Variants in SVEP1 observed in about 807,000 individuals in gnomAD.
SVEP1 encodes sushi, von Willebrand factor type A, EGF and pentraxin domain-containing protein 1.
In SVEP1, 164 loss-of-function variants were observed where a neutral mutation model predicts 367.3. The ratio of observed to expected loss-of-function variants is 0.45; its 90% CI spans 0.39 to 0.51. The LOEUF is 0.51. Ranked by LOEUF, SVEP1 falls within the 20% of genes least tolerant of loss-of-function variation. The probability of loss-of-function intolerance (pLI) is 0.00; values close to 1 mark genes in which losing one functional copy is unlikely to be tolerated. For synonymous variants in SVEP1, 1,666 were observed against 1,611.6 expected (o/e 1.03, Z -0.81); for missense variants, 4,117 against 4,425.3 (o/e 0.93, Z 1.98).
Position 110,431,968 on chromosome 9 carries a change from G to C in SVEP1, c.5300C>G (p.Ser1767Cys). ...CGGTGGGACACATGAACATATGTAG[G>C]ATCCATCTACGTTCAGGCAAGAAGC... ...EHASCLNVDG[S>C]YICSCVPPYT... Residue 1767 changes from serine to cysteine, a missense_variant, in exon 32 of 48, where the codon TCC becomes TGC. This residue lies in a region of SVEP1 where 2,174 missense variants were observed against 2,494.3 expected (regional missense o/e 0.87). Transcript: ENST00000374469. The C allele has an allele frequency of 1.2e-6, 2 of 1,613,564 alleles. No homozygotes were observed. Among genetic ancestry groups the C allele is most frequent in the South Asian group, 1.1e-5 (1 of 91,048 alleles).
chr9:110,384,151 G>T (rs1430081296), intron 43 of SVEP1, among the ~76,000 whole-genome samples: 1 of 152,162 alleles, frequency 6.6e-6, no homozygotes, highest in South Asian at 2.1e-4. Flanking sequence ...GGGACCTAAG[G>T]CCCTGGTGGC....
intron 28 of SVEP1, among the ~76,000 whole-genome samples, chr9:110,435,648 G>A (rs1828420798): frequency 6.6e-6 from 1 of 152,088 alleles, no homozygotes; most frequent in Non-Finnish European, 1.5e-5. Context: ...GTTTGTTAAG[G>A]GGTTGTAGAG....
At chr9:110,491,033 A>G (rs1829358571) in intron 8 of SVEP1, among the ~76,000 whole-genome samples, 1 of 151,994 alleles carries the variant, frequency 6.6e-6, no homozygotes, top group African/African-American at 2.4e-5. Context: ...TTTAAACTAT[A>G]ATTTGGAAAT....
At chr9:110,403,297 T>TTG (rs1564132061) in intron 39 of SVEP1, among the ~76,000 whole-genome samples, 3 of 30,202 alleles carry the variant, frequency 9.9e-5, no homozygotes, top group Non-Finnish European at 2.8e-4. Context: ...GCCACCGCCG[T>TTG]TTTTTTTTTT....
intron 36 of SVEP1, among the ~76,000 whole-genome samples, chr9:110,423,136 TAAA>T (rs367835046): frequency 1.4e-5 from 1 of 73,076 alleles, no homozygotes; most frequent in East Asian, 4.3e-4. Flanking sequence ...ATAATAATAA[TAAA>T]AAAAAAATAA....
At chr9:110,451,522 T>C (rs1828693093) in intron 22 of SVEP1, 120 bp from the exon 23 acceptor site, 1 of 626,628 alleles carries the variant, frequency 1.6e-6, no homozygotes, top group South Asian at 2.6e-5. Context: ...GCTAACATGT[T>C]TGTGACAAAC....
At chr9:110,537,121 C>T (rs369925821) in intron 3 of SVEP1, among the ~76,000 whole-genome samples, 1 of 151,762 alleles carries the variant, frequency 6.6e-6, no homozygotes, top group African/African-American at 2.4e-5. Context: ...GATAGATAAC[C>T]GATGTTATTT....
intron 2 of SVEP1, among the ~76,000 whole-genome samples, chr9:110,548,915 G>A (rs929322458): frequency 6.6e-6 from 1 of 152,232 alleles, no homozygotes; most frequent in South Asian, 2.1e-4. Context: ...TTGAGCCCAG[G>A]AGTTTGAGAC....
At chr9:110,466,981 G>A (rs1012189054) in intron 17 of SVEP1, among the ~76,000 whole-genome samples, 2 of 152,100 alleles carry the variant, frequency 1.3e-5, no homozygotes, top group East Asian at 3.9e-4. Flanking sequence ...CAGAGTACTG[G>A]CCTTTCTTTC....
At chr9:110,492,531 T>C (rs1829383331) in intron 8 of SVEP1, among the ~76,000 whole-genome samples, 1 of 152,058 alleles carries the variant, frequency 6.6e-6, no homozygotes, top group African/African-American at 2.4e-5. Context: ...CTTCCATATA[T>C]AATTGCAGCT....
chr9:110,436,911 C>T (rs143237752), intron 27 of SVEP1, among the ~76,000 whole-genome samples: 53 of 152,326 alleles, frequency 3.5e-4, no homozygotes, highest in African/African-American at 1.2e-3. Flanking sequence ...AGAGAACTTT[C>T]TAAAGTTGCC....
intron 9 of SVEP1, among the ~76,000 whole-genome samples, chr9:110,484,220 G>C (rs1485290131): frequency 1.3e-5 from 2 of 152,206 alleles, no homozygotes; most frequent in Admixed American, 1.3e-4. Flanking sequence ...GGGAGGCTAG[G>C]AGGTTATGTC....
At chr9:110,516,768 G>A (rs1252523297) in intron 3 of SVEP1, among the ~76,000 whole-genome samples, 1 of 152,178 alleles carries the variant, frequency 6.6e-6, no homozygotes, top group Non-Finnish European at 1.5e-5. Flanking sequence ...AGAGAATTGA[G>A]TAGAAGTAAT....
At chr9:110,505,018 T>G (rs1179206508) in intron 5 of SVEP1, among the ~76,000 whole-genome samples, 2 of 152,148 alleles carry the variant, frequency 1.3e-5, no homozygotes, top group Admixed American at 1.3e-4. Flanking sequence ...AGGAAGGATA[T>G]TCACTAAACT....
intron 20 of SVEP1, 136 bp from the exon 21 acceptor site, chr9:110,457,488 C>T (rs763801987): frequency 7.3e-5 from 49 of 672,150 alleles, no homozygotes; most frequent in Non-Finnish European, 1.2e-4. Flanking sequence ...AGCTAGGTGG[C>T]TTGCTGCCTG....
At chr9:110,486,280 T>C (rs1829275597) in intron 9 of SVEP1, among the ~76,000 whole-genome samples, 1 of 152,236 alleles carries the variant, frequency 6.6e-6, no homozygotes, top group Non-Finnish European at 1.5e-5. Context: ...TCTGATTTTA[T>C]TCAGACATTT....
intron 40 of SVEP1, among the ~76,000 whole-genome samples, chr9:110,395,038 G>A (rs13296490): frequency 0.14 from 20,919 of 152,060 alleles, 1,604 homozygotes; most frequent in African/African-American, 0.2. Context: ...GCAACTCCAA[G>A]ACACATAATT....
At chr9:110,564,332 C>T (rs943504126) in intron 1 of SVEP1, among the ~76,000 whole-genome samples, 2 of 152,060 alleles carry the variant, frequency 1.3e-5, no homozygotes, top group South Asian at 4.1e-4. Flanking sequence ...GTCTTCTTAC[C>T]AGGTATTTTA....
chr9:110,469,122 A>C lies in SVEP1; in HGVS notation c.2999-21T>G, dbSNP rs372133783. 5 of 1,604,702 alleles carry C rather than the reference A, an allele frequency of 3.1e-6. No homozygotes were observed. In the African/African-American group the frequency reaches 6.7e-5, roughly 22 times the overall value. On this transcript the variant is annotated intron_variant, in intron 16 of 47. Coordinates refer to ENST00000374469, the MANE Select transcript of SVEP1 (RefSeq NM_153366.4). The stretch of plus-strand genomic sequence containing the variant: ...ATTGACTACAGAAAAAGCAAACAGG[A>C]AACACTGAATAAACTACAACGGTGG...
Sources: gnomAD v4.1 joint callset for allele counts (sites outside exome capture counted in the v4.1 genomes callset) on GRCh38, gnomAD v4.1.1 for gene constraint, gnomAD v4.1.1 regional missense constraint, MANE v1.5 for transcripts, NCBI Gene and HGNC (gene_info 2026-07-23, HGNC 2026-07-21) for gene names.